MYEF2: variants seen among roughly 807,000 people sequenced by gnomAD.
The protein encoded by MYEF2 is myelin gene expression factor 2.
Under a neutral mutation model 75.2 loss-of-function variants are expected in MYEF2, and 37 were observed. The ratio of observed to expected loss-of-function variants is 0.49; its 90% CI spans 0.38 to 0.65. MYEF2 has a LOEUF of 0.65. Ranked by LOEUF, MYEF2 falls within the 30% of genes least tolerant of loss-of-function variation. The pLI is 0.00. For missense variants in MYEF2, 634 were observed against 771.4 expected, an observed-to-expected ratio of 0.82 and a Z score of 2.11; for synonymous variants, 195 against 241.6, an observed-to-expected ratio of 0.81 and a Z score of 1.79.
intron 1 of MYEF2, among the ~76,000 whole-genome samples, chr15:48,176,353 A>C (rs1013743088): frequency 7.9e-5 from 12 of 152,262 alleles, no homozygotes; most frequent in African/African-American, 2.9e-4. Flanking sequence ...ACTCGATTCA[A>C]CTTCTGGGAA....
chr15:48,157,630 C>T, intron 9 of MYEF2: 1 of 458,416 alleles, frequency 2.2e-6, no homozygotes, highest in East Asian at 1.4e-4. Context: ...ATTTTTGTTC[C>T]CAACTATGTA....
chr15:48,163,634 T>A (rs1413051043), intron 5 of MYEF2, among the ~76,000 whole-genome samples: 1 of 152,048 alleles, frequency 6.6e-6, no homozygotes. Flanking sequence ...ACTTTCAGAG[T>A]TAGAAGGGAG....
Position 48,137,084 on chromosome 15 carries a change from TGA to T in MYEF2, c.*5822_*5823del, listed in dbSNP as rs1250715214. 5 of 1,078,204 alleles carry T rather than the reference TGA, an allele frequency of 4.6e-6. 1 individual carries two copies. The African/African-American group carries it at 7.9e-5, about 17-fold the overall frequency. The allele number at this position is 1,078,204 out of a possible 1,614,324, so 66.8% of individuals were successfully genotyped here. A position where few individuals can be genotyped will look rare whatever the true frequency, so the allele number is the denominator to read the frequency against. ...AAAAAAGACTGTGAAGACTCAGAAATGATAAAGACCAAGTCCCTACCTTTAAG... is the reference window on the plus strand; with the variant it reads ...AAAAAAGACTGTGAAGACTCAGAAATTAAAGACCAAGTCCCTACCTTTAAG... On this transcript the variant is annotated 3_prime_UTR_variant, in exon 17 of 17. Transcript: ENST00000324324.
chr15:48,142,580 A>T lies in MYEF2; in HGVS notation c.*328T>A. The T allele has an allele frequency of 2.2e-6, 1 of 461,956 alleles. No individual in the cohort carries two copies. Among genetic ancestry groups the T allele is most frequent in the South Asian group, 4.4e-5 (1 of 22,684 alleles). The allele number at this position is 461,956 out of a possible 1,614,324, so 28.6% of individuals were successfully genotyped here. On this transcript the variant is annotated 3_prime_UTR_variant, in exon 17 of 17. Transcript: ENST00000324324. ...GGGGGGAAAAAATCTATGTTTTACC[A>T]TACAATAAGTTGACAAAAACTGGAG... is the stretch of plus-strand genomic sequence containing the variant.
intron 6 of MYEF2, among the ~76,000 whole-genome samples, chr15:48,159,265 A>C (rs950230796): frequency 2.0e-5 from 3 of 152,134 alleles, no homozygotes; most frequent in Non-Finnish European, 4.4e-5. Flanking sequence ...AACAAATAAC[A>C]AACCAACTAT....
In MYEF2 at chr15:48,151,635, G is replaced by C; in HGVS notation, c.1208-64C>G. On this transcript the variant is annotated intron_variant, in intron 12 of 16. Transcript: ENST00000324324. ...ATCAATACATGTTGAAAACATTCAGGAATGTATCTAAATTATGAAAAGACG... is the reference window on the plus strand; with the variant it reads ...ATCAATACATGTTGAAAACATTCAGCAATGTATCTAAATTATGAAAAGACG... 3.5e-6 allele frequency: 5 copies of C among 1,434,446 alleles called. No individual in the cohort carries two copies. The South Asian group carries it at 6.1e-5, about 18-fold the overall frequency. The allele number at this position is 1,434,446 out of a possible 1,614,324, so 88.9% of individuals were successfully genotyped here. A position where few individuals can be genotyped will look rare whatever the true frequency, so the allele number is the denominator to read the frequency against.
rs2038859386 is a variant in MYEF2 at position 48,134,933 on chromosome 15, C to T, written c.*7975G>A. ...CTATTCAGAGACTGTGCAGCGTACA[C>T]AATTAGTGCAGCAGCAGTTCTTGGT... On this transcript the variant is annotated 3_prime_UTR_variant, in exon 17 of 17. Transcript: ENST00000324324. 1.2e-6 allele frequency: 2 copies of T among 1,612,510 alleles called. No individual in the cohort carries two copies. Among genetic ancestry groups the T allele is most frequent in the Middle Eastern group, 1.7e-4 (1 of 6,056 alleles).
intron 5 of MYEF2, among the ~76,000 whole-genome samples, chr15:48,160,363 T>C (rs550120474): frequency 6.6e-6 from 1 of 152,046 alleles, no homozygotes; most frequent in South Asian, 2.1e-4. Flanking sequence ...TAATCTGAGA[T>C]GGAGGAGAGG....
intron 1 of MYEF2, among the ~76,000 whole-genome samples, chr15:48,177,675 G>T (rs926352389): frequency 6.6e-6 from 1 of 151,940 alleles, no homozygotes; most frequent in African/African-American, 2.4e-5. Flanking sequence ...AATGTCCGAT[G>T]ATGTCATCCC....
rs140434123 is a variant in MYEF2, at chr15:48,172,169, G to A, written c.162-3330C>T. The stretch of plus-strand genomic sequence containing the variant: ...AATCCCGGCACTTTGGGAGGCCAAG[G>A]CAGGTGGGTGACTTGAGGTCAGGAG... On this transcript the variant is annotated intron_variant, in intron 1 of 16. Transcript: ENST00000324324. 1.4e-3 allele frequency among the ~76,000 whole-genome samples: 215 copies of A among 152,236 alleles called. 7 individuals carry two copies. The South Asian group carries it at 0.038, about 27-fold the overall frequency.
intron 5 of MYEF2, among the ~76,000 whole-genome samples, chr15:48,162,504 T>C (rs548028691): frequency 7.2e-5 from 11 of 152,326 alleles, no homozygotes; most frequent in South Asian, 4.1e-4. Context: ...TTCTTTACCA[T>C]GTATCTCATT....
chr15:48,152,395 A>G (rs1158739398), intron 10 of MYEF2, 111 bp from the exon 11 acceptor site: 8 of 877,794 alleles, frequency 9.1e-6, no homozygotes, highest in African/African-American at 1.7e-5. Flanking sequence ...ACAATGAAAC[A>G]CTAGAGAAGC....
chr15:48,170,211 C>T (rs1597353948), intron 1 of MYEF2, among the ~76,000 whole-genome samples: 1 of 151,878 alleles, frequency 6.6e-6, no homozygotes, highest in African/African-American at 2.4e-5. Context: ...CTGCAATCTC[C>T]GCCTCCTGGG....
chr15:48,155,980 G>A (rs943800172), intron 9 of MYEF2, among the ~76,000 whole-genome samples: 1 of 151,936 alleles, frequency 6.6e-6, no homozygotes, highest in Non-Finnish European at 1.5e-5. Flanking sequence ...GTTTCACCAT[G>A]TTGACCAGGC....
In MYEF2 at chr15:48,142,015, C is replaced by T. The variant is rs904305431; in HGVS notation, c.*893G>A. 6.3e-7 allele frequency: 1 copy of T among 1,582,886 alleles called. No homozygotes were observed. The highest frequency in any genetic ancestry group is 1.4e-5 in the African/African-American group (1 of 73,786). ...TTGGTAAGCACATTTTAACAGTATG[C>T]TTTTCTTTTGTAGGGAAAGGAGATA... On this transcript the variant is annotated 3_prime_UTR_variant, in exon 17 of 17. Transcript: ENST00000324324.
chr15:48,150,385 T>C (rs1338850576), intron 14 of MYEF2, among the ~76,000 whole-genome samples: 1 of 152,054 alleles, frequency 6.6e-6, no homozygotes, highest in African/African-American at 2.4e-5. Context: ...ACTTTTAGAA[T>C]AGTTTAAATA....
chr15:48,156,780 A>T (rs529540127), intron 9 of MYEF2, among the ~76,000 whole-genome samples: 15 of 148,982 alleles, frequency 1.0e-4, no homozygotes, highest in Admixed American at 2.7e-4. Flanking sequence ...AAAACAATTT[A>T]AAAAAAAAAG....
chr15:48,151,602 T>G, intron 12 of MYEF2, 31 bp from the exon 13 acceptor site: 1 of 1,537,926 alleles, frequency 6.5e-7, no homozygotes, highest in Non-Finnish European at 8.9e-7. Flanking sequence ...ATTAACCTTT[T>G]CAAATATATC....
In MYEF2 at chr15:48,149,247, C is replaced by T. The variant is rs770271810; in HGVS notation, c.1503G>A (p.Met501Ile). ...IGAILERSID[M>I]DRGFLSGPMG... ...TTGGACCCGATAAAAATCCTCGATCCATATCGATGCTCCTTTCCAGTATAG... is the reference window on the plus strand; with the variant it reads ...TTGGACCCGATAAAAATCCTCGATCTATATCGATGCTCCTTTCCAGTATAG... The change falls in exon 15 of 17, where the codon ATG (methionine) becomes ATA (isoleucine). Residue 501 changes from methionine to isoleucine, a missense_variant. Coordinates refer to ENST00000324324, the MANE Select transcript of MYEF2 (RefSeq NM_016132.5). The surrounding 1 kb of genome is among the most constrained non-coding windows in gnomAD (Gnocchi z 4.0). The T allele has an allele frequency of 6.2e-7, 1 of 1,613,402 alleles. No individual in the cohort carries two copies. Among genetic ancestry groups the T allele is most frequent in the South Asian group, 1.1e-5 (1 of 91,066 alleles).
Sources: gnomAD v4.1 joint callset for allele counts (sites outside exome capture counted in the v4.1 genomes callset) on GRCh38, gnomAD v4.1.1 for gene constraint, Gnocchi (gnomAD v3.1) non-coding constraint, MANE v1.5 for transcripts, NCBI Gene and HGNC (gene_info 2026-07-23, HGNC 2026-07-21) for gene names.